The following ROPN1B variants were observed in gnomAD, a reference collection of about 807,000 sequenced individuals.
The protein encoded by ROPN1B is ropporin-1B.
In ROPN1B, 13 loss-of-function variants were observed where a neutral mutation model predicts 23.7. The ratio of observed to expected loss-of-function variants is 0.55; its 90% confidence interval spans 0.36 to 0.87. ROPN1B has a LOEUF of 0.87. ROPN1B is among the 40% of genes least tolerant of loss of function. The pLI is 0.01. For missense variants in ROPN1B, 183 were observed against 249.2 expected, an observed-to-expected ratio of 0.73 and a Z score of 1.79; for synonymous variants, 67 against 100.4, an observed-to-expected ratio of 0.67 and a Z score of 1.99.
chr3:125,979,406 G>T (rs1057350793), intron 5 of ROPN1B, among the ~76,000 whole-genome samples: 2 of 152,090 alleles, frequency 1.3e-5, no homozygotes, highest in Non-Finnish European at 2.9e-5. Context: ...TAAAAGTAGG[G>T]CCTCTGGGAG....
In ROPN1B at chr3:125,972,141, G is replaced by C; in HGVS notation, c.87G>C (p.Gln29His). Residue 29 changes from glutamine (Q) to histidine (H), a missense_variant, in exon 3 of 7, where the codon CAG becomes CAC. Physicochemically the swap from Gln to His is conservative, Grantham distance 24. Transcript: ENST00000514116. ...TTGCCAAAGCCGCCATTCGGGCGCA[G>C]CCGCAGGACCTCATCCAGTGGGGGG... ...KEFAKAAIRA[Q>H]PQDLIQWGAD... is the part of the protein sequence containing the mutation. 6.2e-7 allele frequency: 1 copy of C among 1,614,240 alleles called. No homozygotes were observed. Among genetic ancestry groups the C allele is most frequent in the Admixed American group, 1.7e-5 (1 of 60,036 alleles).
At chr3:125,974,435 T>G (rs1485339498) in intron 3 of ROPN1B, among the ~76,000 whole-genome samples, 1 of 152,222 alleles carries the variant, frequency 6.6e-6, no homozygotes, top group East Asian at 1.9e-4. Flanking sequence ...AGCCCATCAT[T>G]GTATGGCTTG....
In ROPN1B at chr3:125,972,076, A is replaced by T. The variant is rs374826502; in HGVS notation, c.22A>T (p.Thr8Ser). Reference protein sequence around the residue: MAQTDKPTCIPPELPKML... With the variant: MAQTDKPSCIPPELPKML... ...ATCAATGGCTCAGACAGATAAGCCA[A>T]CATGCATCCCGCCGGAGCTGCCGAA... is the stretch of plus-strand genomic sequence containing the variant. The change falls in exon 3 of 7, where the codon ACA becomes TCA. Residue 8 changes from threonine to serine, a missense_variant. By Grantham distance (58) the Thr-to-Ser change is moderately conservative. This residue lies in a region of ROPN1B where 97 missense variants were observed against 99.6 expected (regional missense o/e 0.97). Transcript: ENST00000514116. The T allele has an allele frequency of 8.7e-6, 14 of 1,614,128 alleles. No homozygotes were observed. The South Asian group carries it at 1.4e-4, about 16-fold the overall frequency.
chr3:125,974,844 T>C (rs1293586679), intron 3 of ROPN1B, among the ~76,000 whole-genome samples: 1 of 152,188 alleles, frequency 6.6e-6, no homozygotes, highest in African/African-American at 2.4e-5. Context: ...CTTCTTTGGC[T>C]TCTCTTCTCT....
Position 125,971,914 on chromosome 3 carries a change from A to G in ROPN1B, c.-12-129A>G, listed in dbSNP as rs1297020502. The G allele has an allele frequency of 2.8e-5, 20 of 705,798 alleles. No homozygotes were observed. The South Asian group carries it at 4.5e-4, about 16-fold the overall frequency. 43.7% of individuals were successfully genotyped at this position (705,798 alleles called of 1,614,324 possible). ...TCTAACCTTGCCGTTGTGTAACAAT[A>G]GAATGCATTTGTCTTGCGGAGTCCC... is the stretch of plus-strand genomic sequence containing the variant. On this transcript the variant is annotated intron_variant, in intron 2 of 6. Coordinates refer to ENST00000514116, the MANE Select transcript of ROPN1B (RefSeq NM_001308313.2).
chr3:125,977,622 C>T, intron 5 of ROPN1B: 1 of 190,714 alleles, frequency 5.2e-6, no homozygotes, highest in East Asian at 1.3e-4. Flanking sequence ...AAAGCAAAAA[C>T]AAAGAGAGAT....
At chr3:125,976,181 T>G (rs547948923) in intron 4 of ROPN1B, among the ~76,000 whole-genome samples, 2 of 152,174 alleles carry the variant, frequency 1.3e-5, no homozygotes, top group Non-Finnish European at 2.9e-5. Context: ...TTGAGAAAGT[T>G]TGTGGTTTGG....
chr3:125,970,554 G>T (rs1042818468), intron 1 of ROPN1B, among the ~76,000 whole-genome samples: 20 of 152,126 alleles, frequency 1.3e-4, no homozygotes, highest in African/African-American at 4.8e-4. Flanking sequence ...CACATTGGGA[G>T]GCATGTTTTG....
At chr3:125,974,266 C>A (rs1014393511) in intron 3 of ROPN1B, among the ~76,000 whole-genome samples, 4 of 152,114 alleles carry the variant, frequency 2.6e-5, no homozygotes, top group African/African-American at 9.7e-5. Context: ...ACCCACACCC[C>A]GCCCACCCCA....
intron 5 of ROPN1B, among the ~76,000 whole-genome samples, chr3:125,980,259 A>T (rs1487367445): frequency 6.6e-6 from 1 of 152,268 alleles, no homozygotes; most frequent in Non-Finnish European, 1.5e-5. Context: ...AAAAATATTT[A>T]AAAATCTTAC....
chr3:125,973,970 T>A (rs1326670291), intron 3 of ROPN1B: 1 of 153,808 alleles, frequency 6.5e-6, no homozygotes. Context: ...TAGGCATGTG[T>A]TACAACTCAA....
Position 125,982,380 on chromosome 3 carries a change from C to G in ROPN1B, c.507C>G (p.Ala169=), listed in dbSNP as rs376480844. ...TCCAGTTTCTCTACACGTATATTGC[C>G]GAAGTGGATGGGGAGATCTGTGCAT... is the stretch of plus-strand genomic sequence containing the variant. ...STFQFLYTYI[A]EVDGEICASH... Residue 169 remains alanine (A), a synonymous_variant, in exon 6 of 7, where the codon GCC becomes GCG. Coordinates refer to ENST00000514116, the MANE Select transcript of ROPN1B (RefSeq NM_001308313.2). 6.2e-7 allele frequency: 1 copy of G among 1,613,058 alleles called. No individual in the cohort carries two copies. Among genetic ancestry groups the G allele is most frequent in the South Asian group, 1.1e-5 (1 of 90,816 alleles).
intron 5 of ROPN1B, among the ~76,000 whole-genome samples, chr3:125,981,101 G>A (rs1221795448): frequency 6.6e-6 from 1 of 152,012 alleles, no homozygotes; most frequent in African/African-American, 2.4e-5. Context: ...TAAATGTAAA[G>A]AAACAAATTT....
intron 5 of ROPN1B, among the ~76,000 whole-genome samples, chr3:125,980,646 G>C (rs1474169315): frequency 1.3e-5 from 2 of 152,146 alleles, no homozygotes; most frequent in Non-Finnish European, 2.9e-5. Context: ...CTGGGGTTAA[G>C]GCTTTGACAT....
intron 5 of ROPN1B, among the ~76,000 whole-genome samples, chr3:125,979,290 A>T (rs954206952): frequency 6.6e-6 from 1 of 152,126 alleles, no homozygotes; most frequent in Non-Finnish European, 1.5e-5. Flanking sequence ...ATCATGCTGG[A>T]CTGTTTCTGG....
intron 3 of ROPN1B, chr3:125,972,641 G>T (rs1036816091): frequency 3.0e-5 from 11 of 368,214 alleles, no homozygotes; most frequent in Non-Finnish European, 5.1e-5. Context: ...AGTCCTGCTA[G>T]TTCACTCCTT....
intron 2 of ROPN1B, among the ~76,000 whole-genome samples, 172 bp downstream of exon 2, chr3:125,971,334 T>C (rs1938195486): frequency 6.6e-6 from 1 of 152,218 alleles, no homozygotes; most frequent in African/African-American, 2.4e-5. Context: ...CTTTTTAGCA[T>C]ATCTAGTCTG....
chr3:125,973,306 T>C (rs1341216658), intron 3 of ROPN1B: 3 of 311,702 alleles, frequency 9.6e-6, no homozygotes, highest in East Asian at 9.6e-5. Flanking sequence ...TGGGCCAGTG[T>C]TGTGCTCCTG....
At chr3:125,978,156 A>G (rs6438951) in intron 5 of ROPN1B, among the ~76,000 whole-genome samples, 28,287 of 152,168 alleles carry the variant, frequency 0.19, 2,758 homozygotes, top group Middle Eastern at 0.26. Context: ...TGTCCTTTAT[A>G]GCATTTATTA....
Sources: gnomAD v4.1 joint callset for allele counts (sites outside exome capture counted in the v4.1 genomes callset) on GRCh38, gnomAD v4.1.1 for gene constraint, gnomAD v4.1.1 regional missense constraint, MANE v1.5 for transcripts, NCBI Gene and HGNC (gene_info 2026-07-23, HGNC 2026-07-21) for gene names.